The following UNC79 variants were observed in gnomAD, a reference collection of about 807,000 sequenced individuals.
UNC79 encodes unc-79 subunit of NALCN channel complex.
Under a neutral mutation model 283.1 loss-of-function variants are expected in UNC79, and 37 were observed. The observed-to-expected ratio is 0.13, with a 90% confidence interval of 0.10 to 0.17. The LOEUF (loss-of-function observed/expected upper bound fraction) is 0.17, where lower values mean the gene tolerates loss of function less well. Among genes scored for constraint, UNC79 ranks in the 10% least tolerant of loss-of-function variants. UNC79 has a pLI of 1.00. For synonymous variants in UNC79, 1,107 were observed against 1,200.2 expected (o/e 0.92, Z 1.61); for missense variants, 2,272 against 3,211.1 (o/e 0.71, Z 7.07).
In UNC79 at chr14:93,617,905, C is replaced by T. The variant is rs1037320848; in HGVS notation, c.4225-287C>T. ...AAAAAATTAGCCAAGCATGGTTGCA[C>T]GTGCCTGGTCCCACCTACTTGGGAG... On this transcript the variant is annotated intron_variant, in intron 28 of 48. Transcript: ENST00000555664. The surrounding 1 kb of genome is among the most constrained non-coding windows in gnomAD (Gnocchi z 4.5). 6.6e-6 allele frequency among the ~76,000 whole-genome samples: 1 copy of T among 152,050 alleles called. No individual in the cohort carries two copies. Among genetic ancestry groups the T allele is most frequent in the Non-Finnish European group, 1.5e-5 (1 of 68,006 alleles).
At chr14:93,493,690 G>A (rs2140538698) in intron 5 of UNC79, among the ~76,000 whole-genome samples, 1 of 151,758 alleles carries the variant, frequency 6.6e-6, no homozygotes, top group East Asian at 1.9e-4. Flanking sequence ...AGAAATACCT[G>A]AGACTGGGTA....
intron 1 of UNC79, among the ~76,000 whole-genome samples, chr14:93,441,075 C>A (rs1394103924): frequency 6.6e-6 from 1 of 151,986 alleles, no homozygotes; most frequent in Non-Finnish European, 1.5e-5. Flanking sequence ...CTTCTTGCAT[C>A]TTCTGTAGGT....
intron 1 of UNC79, among the ~76,000 whole-genome samples, chr14:93,408,631 A>G (rs990670384): frequency 6.6e-6 from 1 of 152,222 alleles, no homozygotes; most frequent in African/African-American, 2.4e-5. Context: ...GGCCAAGGCC[A>G]CACTGAGCTA....
intron 1 of UNC79, among the ~76,000 whole-genome samples, chr14:93,447,445 CAT>C (rs1288264229): frequency 2.0e-5 from 3 of 152,064 alleles, no homozygotes; most frequent in African/African-American, 7.2e-5. Flanking sequence ...AATACATCTA[CAT>C]ATGTTATAAA....
intron 34 of UNC79, among the ~76,000 whole-genome samples, chr14:93,646,027 A>G (rs1352351344): frequency 1.3e-5 from 2 of 152,168 alleles, no homozygotes; most frequent in South Asian, 2.1e-4. Context: ...TTCTCTTTCT[A>G]TATGATAACA....
intron 1 of UNC79, among the ~76,000 whole-genome samples, chr14:93,355,242 G>T (rs1013046105): frequency 2.0e-5 from 3 of 151,910 alleles, no homozygotes; most frequent in African/African-American, 7.3e-5. Context: ...CGCCCAGGCT[G>T]GAGTGCAGTG....
At chr14:93,578,193 C>G (rs932500738) in intron 18 of UNC79, 130 bp downstream of exon 18, 4 of 859,878 alleles carry the variant, frequency 4.7e-6, no homozygotes, top group Admixed American at 5.8e-5. Context: ...AGACCTTTTG[C>G]AAACTCCTTT....
At chr14:93,336,398 A>G (rs1428609469) in intron 1 of UNC79, among the ~76,000 whole-genome samples, 3 of 151,922 alleles carry the variant, frequency 2.0e-5, no homozygotes, top group East Asian at 1.9e-4. Context: ...CTGGAGTGCA[A>G]TGACGCAATC....
intron 26 of UNC79, among the ~76,000 whole-genome samples, chr14:93,606,071 C>G (rs1348364537): frequency 6.6e-6 from 1 of 152,102 alleles, no homozygotes; most frequent in Non-Finnish European, 1.5e-5. Context: ...TGAGATTGTT[C>G]TTAGTCAGTT....
At chr14:93,659,667 C>A (rs1278403901) in intron 39 of UNC79, among the ~76,000 whole-genome samples, 1 of 152,176 alleles carries the variant, frequency 6.6e-6, no homozygotes, top group Non-Finnish European at 1.5e-5. Context: ...CCAATTTAAT[C>A]TTTGGCTCCA....
chr14:93,679,179 G>A (rs747624056), intron 41 of UNC79, among the ~76,000 whole-genome samples: 3 of 152,276 alleles, frequency 2.0e-5, no homozygotes, highest in Admixed American at 6.5e-5. Context: ...GTAGATATTC[G>A]ACCGGGTGTG....
intron 1 of UNC79, among the ~76,000 whole-genome samples, chr14:93,462,909 C>A (rs1182637462): frequency 6.6e-6 from 1 of 152,046 alleles, no homozygotes; most frequent in East Asian, 1.9e-4. Flanking sequence ...ATCGATGAGG[C>A]CTGTTATTCA....
At chr14:93,582,543 C>T (rs141730477) in intron 20 of UNC79, among the ~76,000 whole-genome samples, 199 bp downstream of exon 20, 1 of 152,306 alleles carries the variant, frequency 6.6e-6, no homozygotes, top group African/African-American at 2.4e-5. Context: ...GTTCCCTGAG[C>T]ATCTTTCTGG....
At chr14:93,402,414 T>C (rs1382330402) in intron 1 of UNC79, among the ~76,000 whole-genome samples, 4 of 151,076 alleles carry the variant, frequency 2.6e-5, no homozygotes, top group African/African-American at 4.9e-5. Flanking sequence ...ATATTTGGTA[T>C]TGAATGAAGG....
At chr14:93,346,081 A>AAT (rs1037851748) in intron 1 of UNC79, among the ~76,000 whole-genome samples, 6 of 151,662 alleles carry the variant, frequency 4.0e-5, no homozygotes, top group East Asian at 1.9e-4. Flanking sequence ...AATGGAGACC[A>AAT]ATATATATAT....
At chr14:93,383,911 A>AAC (rs2054715519) in intron 1 of UNC79, among the ~76,000 whole-genome samples, 1 of 15,892 alleles carries the variant, frequency 6.3e-5, no homozygotes, top group Admixed American at 7.4e-4. Flanking sequence ...TCCCTGCACA[A>AAC]ACTCTGTCTG....
At chr14:93,347,370 G>A (rs1009813032) in intron 1 of UNC79, 2 of 1,479,618 alleles carry the variant, frequency 1.4e-6, no homozygotes, top group Non-Finnish European at 1.8e-6. Flanking sequence ...CGGGGCCCCC[G>A]CGCCAGCGGC....
intron 14 of UNC79, among the ~76,000 whole-genome samples, chr14:93,552,065 G>A (rs908922208): frequency 2.0e-5 from 3 of 152,264 alleles, no homozygotes; most frequent in East Asian, 3.9e-4. Context: ...CCATCTGTAC[G>A]CCTGTTGAAT....
At chr14:93,527,036 C>T (rs1277422619) in intron 8 of UNC79, among the ~76,000 whole-genome samples, 2 of 152,126 alleles carry the variant, frequency 1.3e-5, no homozygotes, top group Non-Finnish European at 2.9e-5. Context: ...TTTTAATAGG[C>T]TGCAAAAAAG....
Sources: gnomAD v4.1 joint callset for allele counts (sites outside exome capture counted in the v4.1 genomes callset) on GRCh38, gnomAD v4.1.1 for gene constraint, Gnocchi (gnomAD v3.1) non-coding constraint, MANE v1.5 for transcripts, NCBI Gene and HGNC (gene_info 2026-07-23, HGNC 2026-07-21) for gene names.